Variants in WNT4 observed in about 807,000 individuals in gnomAD.
WNT4 encodes the protein Wnt family member 4, also known as protein Wnt-4.
Under a neutral mutation model 34.5 loss-of-function variants are expected in WNT4, and 16 were observed. The ratio of observed to expected loss-of-function variants is 0.46; its 90% CI spans 0.31 to 0.70. The LOEUF is 0.70. Ranked by LOEUF, WNT4 falls within the 30% of genes least tolerant of loss-of-function variation. The pLI is 0.04. For missense variants in WNT4, 379 were observed against 495.9 expected (o/e 0.76, Z 2.24); for synonymous variants, 200 against 211.9 (o/e 0.94, Z 0.49).
At chr1:22,129,516 G>C (rs954917861) in intron 2 of WNT4, 100 bp downstream of exon 2, 23 of 1,370,430 alleles carry the variant, frequency 1.7e-5, no homozygotes, top group Non-Finnish European at 2.2e-5. Flanking sequence ...CTTCAGAAAT[G>C]ACCTGCAATA....
chr1:22,121,609 C>T (rs1437813976), intron 2 of WNT4, 33 bp from the exon 3 acceptor site: 2 of 1,607,408 alleles, frequency 1.2e-6, no homozygotes, highest in South Asian at 1.1e-5. Context: ...AGAGCTGGGT[C>T]CCAGGGCTCC....
chr1:22,129,875 G>A, intron 1 of WNT4, 24 bp from the exon 2 acceptor site: 1 of 1,611,516 alleles, frequency 6.2e-7, no homozygotes, highest in East Asian at 2.2e-5. Flanking sequence ...GACACGTGAT[G>A]CAGAGCCCAC....
intron 1 of WNT4, among the ~76,000 whole-genome samples, chr1:22,138,300 G>A (rs1646037593): frequency 6.6e-6 from 1 of 152,158 alleles, no homozygotes; most frequent in African/African-American, 2.4e-5. Context: ...CCTGTCCTCT[G>A]AAAGTGGTTG....
rs527627594 is a variant in WNT4 at position 22,140,816 on chromosome 1, G to T, written c.77+2030C>A. Among the ~76,000 whole-genome samples, 3 of 152,188 alleles carry T rather than the reference G, an allele frequency of 2.0e-5. No individual in the cohort carries two copies. Among genetic ancestry groups the T allele is most frequent in the African/African-American group, 7.2e-5 (3 of 41,448 alleles). Reference sequence around the variant, plus strand: ...GCTGGGTCATCCAGAGACCTGCTTCGTGGCAACCTGAACCATCACCGTTGC... The same window carrying T: ...GCTGGGTCATCCAGAGACCTGCTTCTTGGCAACCTGAACCATCACCGTTGC... On this transcript the variant is annotated intron_variant, in intron 1 of 4. Coordinates refer to ENST00000290167, the MANE Select transcript of WNT4 (RefSeq NM_030761.5). This position sits in a 1 kb window ranked among gnomAD's most constrained non-coding sequence, Gnocchi z 5.9.
intron 1 of WNT4, among the ~76,000 whole-genome samples, chr1:22,130,582 C>A (rs1371989075): frequency 6.6e-6 from 1 of 152,228 alleles, no homozygotes; most frequent in East Asian, 1.9e-4. Context: ...TGTGAAGAAG[C>A]TGTTGCATCT....
In WNT4 at chr1:22,119,219, TGTGTGTGTG is replaced by T. The variant is rs1557921043; in HGVS notation, c.*822_*830del. 4.7e-3 allele frequency: 654 copies of T among 140,484 alleles called. 13 individuals are homozygous for T. Among genetic ancestry groups the T allele is most frequent in the African/African-American group, 0.016 (545 of 34,072 alleles). 8.7% of individuals were successfully genotyped at this position (140,484 alleles called of 1,614,324 possible). ...GTGTGTGTGTGTGTGTGTGTGTGTG[TGTGTGTGTG>T]TTTCAGTTTCATGGAGGAACAGCGC... is the stretch of plus-strand genomic sequence containing the variant. On this transcript the variant is annotated 3_prime_UTR_variant, in exon 5 of 5. Transcript: ENST00000290167.
intron 2 of WNT4, among the ~76,000 whole-genome samples, chr1:22,126,759 C>A (rs1239299469): frequency 1.3e-5 from 2 of 152,252 alleles, no homozygotes; most frequent in African/African-American, 4.8e-5. Context: ...ATGACAGCAG[C>A]TGGTGACGGG....
rs1030446838 is a variant in WNT4, at chr1:22,138,740, G to A, written c.77+4106C>T. Reference sequence around the variant, plus strand: ...AATCAAGGGCACACTTCCTGGAGGAGGTGGGCCACATCTTTACCTGTGTGG... The same window carrying A: ...AATCAAGGGCACACTTCCTGGAGGAAGTGGGCCACATCTTTACCTGTGTGG... On this transcript the variant is annotated intron_variant, in intron 1 of 4. Coordinates refer to ENST00000290167, the MANE Select transcript of WNT4 (RefSeq NM_030761.5). Among the ~76,000 whole-genome samples, 4 of 152,300 alleles carry A rather than the reference G, an allele frequency of 2.6e-5. No individual in the cohort carries two copies. In the East Asian group the frequency reaches 7.7e-4, roughly 29 times the overall value.
chr1:22,132,768 C>G (rs1288792769), intron 1 of WNT4, among the ~76,000 whole-genome samples: 2 of 152,180 alleles, frequency 1.3e-5, no homozygotes, highest in Non-Finnish European at 2.9e-5. Context: ...TCCGTTGGCA[C>G]CAGTGCCCAC....
In WNT4 at chr1:22,142,262, G is replaced by A. The variant is rs1379571046; in HGVS notation, c.77+584C>T. Among the ~76,000 whole-genome samples, 1 of 152,024 alleles carries A rather than the reference G, an allele frequency of 6.6e-6. No homozygotes were observed. The highest frequency in any genetic ancestry group is 1.9e-4 in the East Asian group (1 of 5,150). On this transcript the variant is annotated intron_variant, in intron 1 of 4. Coordinates refer to ENST00000290167, the MANE Select transcript of WNT4 (RefSeq NM_030761.5). This position sits in a 1 kb window ranked among gnomAD's most constrained non-coding sequence, Gnocchi z 6.0. ...CTGCCCCGGGGAAAAACCAAGGCCC[G>A]GCCAGCGCCAGCGCCAGCCCCGGGC...
chr1:22,128,953 CT>C (rs1445846786), intron 2 of WNT4, among the ~76,000 whole-genome samples: 1 of 151,942 alleles, frequency 6.6e-6, no homozygotes, highest in East Asian at 1.9e-4. Flanking sequence ...ATCTCCTGAC[CT>C]CATGATCCGC....
intron 1 of WNT4, among the ~76,000 whole-genome samples, chr1:22,133,979 T>C (rs1045362807): frequency 1.3e-5 from 2 of 152,258 alleles, no homozygotes; most frequent in East Asian, 3.9e-4. Context: ...AAAAAAAATA[T>C]ACAAATTCCT....
At chr1:22,122,296 A>G (rs1645905845) in intron 2 of WNT4, among the ~76,000 whole-genome samples, 1 of 152,114 alleles carries the variant, frequency 6.6e-6, no homozygotes, top group African/African-American at 2.4e-5. Context: ...CCCCCATTTT[A>G]TAGACGGAGA....
intron 2 of WNT4, among the ~76,000 whole-genome samples, chr1:22,125,866 A>G (rs1645936860): frequency 6.6e-6 from 1 of 151,898 alleles, no homozygotes; most frequent in Non-Finnish European, 1.5e-5. Context: ...GGTTCATTCG[A>G]TATTTGTTGG....
In WNT4 at chr1:22,129,794, T is replaced by C. The variant is rs1448931052; in HGVS notation, c.135A>G (p.Lys45=). Residue 45 remains lysine, a synonymous_variant, in exon 2 of 5, where the codon AAA becomes AAG. Coordinates refer to ENST00000290167, the MANE Select transcript of WNT4 (RefSeq NM_030761.5). ...GSISEEETCE[K]LKGLIQRQVQ... ...CCTGCCTCTGGATCAGGCCCTTGAG[T>C]TTCTCGCACGTCTCCTCCTCTGAGA... 1.2e-6 allele frequency: 2 copies of C among 1,613,254 alleles called. No individual in the cohort carries two copies. Among genetic ancestry groups the C allele is most frequent in the Admixed American group, 3.3e-5 (2 of 59,960 alleles).
intron 1 of WNT4, among the ~76,000 whole-genome samples, chr1:22,131,980 C>T (rs2124122689): frequency 6.6e-6 from 1 of 152,266 alleles, no homozygotes. Context: ...GGGGAGGGGC[C>T]CACCCGGCTT....
intron 2 of WNT4, among the ~76,000 whole-genome samples, chr1:22,125,263 C>T (rs949793655): frequency 6.6e-6 from 1 of 152,020 alleles, no homozygotes; most frequent in Non-Finnish European, 1.5e-5. Context: ...TTCTAATTGT[C>T]TTGTGTGTGT....
At position 22,121,372 on chromosome 1, in the gene WNT4, A is replaced by G; in HGVS notation, c.446-19T>C. 5.6e-6 allele frequency: 9 copies of G among 1,614,040 alleles called. No individual in the cohort carries two copies. The highest frequency in any genetic ancestry group is 7.6e-6 in the Non-Finnish European group (9 of 1,180,022). The stretch of plus-strand genomic sequence containing the variant: ...TGGAAGCCTGGGGTGTGGTGGGCAC[A>G]GAAAGGGCTGCGGTGAGTGAGGGCC... On this transcript the variant is annotated intron_variant, in intron 3 of 4. Coordinates refer to ENST00000290167, the MANE Select transcript of WNT4 (RefSeq NM_030761.5).
intron 1 of WNT4, among the ~76,000 whole-genome samples, chr1:22,135,439 G>A (rs1262809282): frequency 6.6e-6 from 1 of 152,234 alleles, no homozygotes; most frequent in Non-Finnish European, 1.5e-5. Flanking sequence ...CCAGGGTACT[G>A]AGGCATGAAG....
Sources: allele counts gnomAD v4.1 joint callset (sites outside exome capture counted in the v4.1 genomes callset), GRCh38; gene constraint gnomAD v4.1.1; non-coding constraint Gnocchi (gnomAD v3.1); transcripts MANE v1.5; gene names NCBI Gene and HGNC (gene_info 2026-07-23, HGNC 2026-07-21).